TASOR: variants seen among roughly 807,000 people sequenced by gnomAD.
The protein encoded by TASOR is protein TASOR.
A neutral mutation model predicts 178.6 loss-of-function variants in TASOR; 53 were observed. That is an observed-to-expected ratio of 0.30 (90% CI 0.24 to 0.37). The LOEUF (loss-of-function observed/expected upper bound fraction) is 0.37, where lower values mean the gene tolerates loss of function less well. TASOR is among the 10% of genes least tolerant of loss of function. TASOR has a pLI of 1.00. For missense variants in TASOR, 1,815 were observed against 1,971.4 expected (o/e 0.92, Z 1.50); for synonymous variants, 713 against 696.2 (o/e 1.02, Z -0.38).
At chr3:56,663,611 TAGTATA>T in intron 7 of TASOR, 39 bp from the exon 8 acceptor site, 1 of 1,293,312 alleles carries the variant, frequency 7.7e-7, no homozygotes, top group East Asian at 3.8e-5. Context: ...CATTACTCAT[TAGTATA>T]ATCATAAAAA....
chr3:56,674,833 T>C (rs114166148), intron 1 of TASOR, among the ~76,000 whole-genome samples: 4,077 of 152,292 alleles, frequency 0.027, 98 homozygotes, highest in African/African-American at 0.062. Flanking sequence ...ACATTGTTTG[T>C]TTTGAGATGG....
intron 14 of TASOR, among the ~76,000 whole-genome samples, chr3:56,642,336 A>C (rs1006863531): frequency 6.6e-6 from 1 of 152,250 alleles, no homozygotes; most frequent in Non-Finnish European, 1.5e-5. Flanking sequence ...AAAAAGTATT[A>C]TAAGAGGAAA....
chr3:56,678,700 A>G lies in TASOR; in HGVS notation c.331+3976T>C, dbSNP rs573805626. 8.5e-5 allele frequency among the ~76,000 whole-genome samples: 13 copies of G among 152,340 alleles called. No individual in the cohort carries two copies. In the South Asian group the frequency reaches 1.9e-3, roughly 22 times the overall value. ...TTTAAAAAAGCTAAACTTAAAAGAC[A>G]TATCATTCCTATCAAAACATACAAA... is the stretch of plus-strand genomic sequence containing the variant. On this transcript the variant is annotated intron_variant, in intron 1 of 23. Coordinates refer to ENST00000683822, the MANE Select transcript of TASOR (RefSeq NM_001365635.2).
rs962891191 is a variant in TASOR, at chr3:56,683,102, T to G, written c.-96A>C. 4 of 1,331,446 alleles carry G rather than the reference T, an allele frequency of 3.0e-6. No individual in the cohort carries two copies. Among genetic ancestry groups the G allele is most frequent in the Non-Finnish European group, 3.0e-6 (3 of 1,001,768 alleles). 82.5% of individuals were successfully genotyped at this position (1,331,446 alleles called of 1,614,324 possible). A position where few individuals can be genotyped will look rare whatever the true frequency, so the allele number is the denominator to read the frequency against. Reference sequence around the variant, plus strand: ...GGCCAGTCTCGCCGCCGAGCTGCTCTCAGCCCACCCACCCCCTTCCCCCCG... The same window carrying G: ...GGCCAGTCTCGCCGCCGAGCTGCTCGCAGCCCACCCACCCCCTTCCCCCCG... On this transcript the variant is annotated 5_prime_UTR_variant, in exon 1 of 24. Coordinates refer to ENST00000683822, the MANE Select transcript of TASOR (RefSeq NM_001365635.2).
rs780032322 is a variant in TASOR, at chr3:56,633,354, T to C, written c.3437A>G (p.Asn1146Ser). ...PLCSDPLKDTNSDEQHSTSAL... is the reference protein window; with the variant it reads ...PLCSDPLKDTSSDEQHSTSAL... ...CGAAGTGGAATGCTGCTCATCAGAG[T>C]TGGTATCTTTCAAAGGATCACTACA... The change falls in exon 18 of 24, where the codon AAC becomes AGC. Residue 1146 changes from asparagine to serine, a missense_variant. Asn to Ser is a conservative substitution (Grantham distance 46, BLOSUM62 1). This residue lies in a region of TASOR where 655 missense variants were observed against 671.1 expected (regional missense o/e 0.98). Coordinates refer to ENST00000683822, the MANE Select transcript of TASOR (RefSeq NM_001365635.2). The C allele has an allele frequency of 5.6e-6, 9 of 1,614,092 alleles. No homozygotes were observed. Among genetic ancestry groups the C allele is most frequent in the South Asian group, 1.1e-5 (1 of 91,068 alleles).
chr3:56,648,038 A>G (rs964420791), intron 13 of TASOR, among the ~76,000 whole-genome samples: 5 of 148,538 alleles, frequency 3.4e-5, no homozygotes, highest in African/African-American at 1.2e-4. Flanking sequence ...GCTTCTAAAG[A>G]AAAAAAAAAA....
rs970120433 is a variant in TASOR, at chr3:56,683,136, G to A, written c.-130C>T. On this transcript the variant is annotated 5_prime_UTR_variant, in exon 1 of 24. Transcript: ENST00000683822. ...CCACCCCCTTCCCCCCGTGGCCTCA[G>A]GCTGCGCTCCCGACCTGGCAGCCTC... 1.3e-4 allele frequency: 138 copies of A among 1,099,166 alleles called. No homozygotes were observed. The highest frequency in any genetic ancestry group is 1.8e-4 in the Admixed American group (6 of 34,210). The allele number at this position is 1,099,166 out of a possible 1,614,324, so 68.1% of individuals were successfully genotyped here. A position where few individuals can be genotyped will look rare whatever the true frequency, so the allele number is the denominator to read the frequency against.
chr3:56,642,771 G>A (rs1462720236), intron 14 of TASOR, among the ~76,000 whole-genome samples: 1 of 151,996 alleles, frequency 6.6e-6, no homozygotes, highest in Non-Finnish European at 1.5e-5. Context: ...TCAGGAGATC[G>A]AGACCATCCT....
At chr3:56,677,508 GC>G (rs1220868369) in intron 1 of TASOR, among the ~76,000 whole-genome samples, 1 of 152,174 alleles carries the variant, frequency 6.6e-6, no homozygotes, top group Non-Finnish European at 1.5e-5. Flanking sequence ...TTTTGAGTTG[GC>G]CCAAGGTTAC....
At chr3:56,648,767 C>A in intron 13 of TASOR, 55 bp downstream of exon 13, 1 of 1,284,370 alleles carries the variant, frequency 7.8e-7, no homozygotes, top group Non-Finnish European at 1.1e-6. Context: ...TGGAAAATTT[C>A]AATGAAATGT....
chr3:56,660,395 CAGG>C (rs1405098567), intron 11 of TASOR, among the ~76,000 whole-genome samples: 1 of 147,872 alleles, frequency 6.8e-6, no homozygotes, highest in African/African-American at 2.5e-5. Context: ...GAGGCTGAGG[CAGG>C]AGAATTGCTT....
intron 16 of TASOR, among the ~76,000 whole-genome samples, chr3:56,639,109 TA>T (rs2077071205): frequency 6.6e-6 from 1 of 152,200 alleles, no homozygotes; most frequent in Admixed American, 6.5e-5. Context: ...AGAAAGATGT[TA>T]AGTAGAAGAT....
At chr3:56,673,278 C>T (rs2030915812) in intron 2 of TASOR, among the ~76,000 whole-genome samples, 1 of 151,822 alleles carries the variant, frequency 6.6e-6, no homozygotes, top group South Asian at 2.1e-4. Context: ...AACTTGTTTT[C>T]CCAATTAGGC....
intron 7 of TASOR, chr3:56,664,462 T>C (rs1440561142): frequency 1.3e-5 from 2 of 152,252 alleles, no homozygotes; most frequent in African/African-American, 4.8e-5. Flanking sequence ...AAGCCACAAC[T>C]GTCTGGATAC....
intron 17 of TASOR, among the ~76,000 whole-genome samples, chr3:56,637,082 C>T (rs528625724): frequency 4.9e-4 from 74 of 152,222 alleles, no homozygotes; most frequent in Admixed American, 2.4e-3. Flanking sequence ...ACACGAGAGA[C>T]GACATGAGTA....
At chr3:56,639,831 CTG>C (rs2077087318) in intron 16 of TASOR, among the ~76,000 whole-genome samples, 153 bp downstream of exon 16, 1 of 152,170 alleles carries the variant, frequency 6.6e-6, no homozygotes, top group South Asian at 2.1e-4. Context: ...GTGATGAACA[CTG>C]TATTACTCAA....
At chr3:56,636,004 TTTA>T (rs954554150) in intron 17 of TASOR, among the ~76,000 whole-genome samples, 1 of 152,168 alleles carries the variant, frequency 6.6e-6, no homozygotes, top group African/African-American at 2.4e-5. Context: ...CCTGTATGAT[TTTA>T]TTAAGAACTT....
At chr3:56,630,181 G>A (rs968423487) in intron 18 of TASOR, among the ~76,000 whole-genome samples, 1 of 151,966 alleles carries the variant, frequency 6.6e-6, no homozygotes, top group African/African-American at 2.4e-5. Context: ...CAATCAGGAT[G>A]GTCCCAATCT....
Position 56,623,101 on chromosome 3 carries a change from TTA to T in TASOR, c.4947_4948del (p.Asp1649GlufsTer12), listed in dbSNP as rs757479291. 73 of 1,611,728 alleles carry T rather than the reference TTA, an allele frequency of 4.5e-5. No individual in the cohort carries two copies. The highest frequency in any genetic ancestry group is 6.0e-5 in the Non-Finnish European group (71 of 1,179,156). On this transcript the variant is annotated frameshift_variant, in exon 24 of 24. Coordinates refer to ENST00000683822, the MANE Select transcript of TASOR (RefSeq NM_001365635.2). LOFTEE classifies it high-confidence loss of function. ...CCCCCAACTTAAGGGAGGTGGAGAT[TTA>T]TCTCTATCCAAGCTTTCAGTATAAG...
Sources: allele counts gnomAD v4.1 joint callset (sites outside exome capture counted in the v4.1 genomes callset), GRCh38; gene constraint gnomAD v4.1.1; regional missense constraint gnomAD v4.1.1; transcripts MANE v1.5; gene names NCBI Gene and HGNC (gene_info 2026-07-23, HGNC 2026-07-21).